Variants in DAAM2 observed in about 807,000 individuals in gnomAD.
DAAM2 encodes the protein dishevelled associated activator of morphogenesis 2.
DAAM2 carries 39 observed loss-of-function variants against 120.7 expected under a neutral mutation model. The ratio of observed to expected loss-of-function variants is 0.32; its 90% confidence interval spans 0.25 to 0.42. DAAM2 has a LOEUF of 0.42. DAAM2 is among the 10% of genes least tolerant of loss of function. The probability of loss-of-function intolerance (pLI) is 1.00; values close to 1 mark genes in which losing one functional copy is unlikely to be tolerated. For synonymous variants in DAAM2, 488 were observed against 524.9 expected, an observed-to-expected ratio of 0.93 and a Z score of 0.96; for missense variants, 1,283 against 1,401.7, an observed-to-expected ratio of 0.92 and a Z score of 1.35.
At chr6:39,858,232 T>C (rs1453751167) in intron 2 of DAAM2, among the ~76,000 whole-genome samples, 1 of 152,150 alleles carries the variant, frequency 6.6e-6, no homozygotes, top group African/African-American at 2.4e-5. Context: ...AGATTTTAAG[T>C]AGGGATTTGA....
intron 1 of DAAM2, among the ~76,000 whole-genome samples, chr6:39,805,617 C>T (rs183902650): frequency 2.0e-5 from 3 of 151,028 alleles, no homozygotes; most frequent in East Asian, 2.0e-4. Flanking sequence ...TGCAGTGACA[C>T]GATCTCGGGT....
chr6:39,809,708 G>T (rs997910845), intron 1 of DAAM2, among the ~76,000 whole-genome samples: 2 of 152,146 alleles, frequency 1.3e-5, no homozygotes, highest in Non-Finnish European at 2.9e-5. Flanking sequence ...CTAAACTAGC[G>T]CTTCTCAATT....
chr6:39,902,102 G>A lies in DAAM2; in HGVS notation c.*65G>A. Reference sequence around the variant, plus strand: ...CTGGTGAGAATGGGGCTGAGTGGAGGAGGTGGTGATATTTAAACCATTTGG... The same window carrying A: ...CTGGTGAGAATGGGGCTGAGTGGAGAAGGTGGTGATATTTAAACCATTTGG... On this transcript the variant is annotated 3_prime_UTR_variant, in exon 25 of 25. Transcript: ENST00000274867. 1 of 1,393,564 alleles carries A rather than the reference G, an allele frequency of 7.2e-7. No individual in the cohort carries two copies. Among genetic ancestry groups the A allele is most frequent in the Non-Finnish European group, 9.8e-7 (1 of 1,015,626 alleles). 86.3% of individuals were successfully genotyped at this position (1,393,564 alleles called of 1,614,324 possible). A position where few individuals can be genotyped will look rare whatever the true frequency, so the allele number is the denominator to read the frequency against.
At chr6:39,856,669 C>T (rs796560770) in intron 2 of DAAM2, among the ~76,000 whole-genome samples, 199 bp downstream of exon 2, 2 of 152,204 alleles carry the variant, frequency 1.3e-5, no homozygotes, top group African/African-American at 4.8e-5. Context: ...AAAGTGTGTC[C>T]CCAGAAGAAT....
chr6:39,880,354 C>T (rs191077218), intron 14 of DAAM2, among the ~76,000 whole-genome samples: 212 of 152,280 alleles, frequency 1.4e-3, no homozygotes, highest in Middle Eastern at 3.4e-3. Flanking sequence ...AATGCAGAGT[C>T]AAGTGGGAAG....
intron 1 of DAAM2, among the ~76,000 whole-genome samples, chr6:39,801,034 C>G (rs1761847285): frequency 1.3e-5 from 2 of 152,156 alleles, no homozygotes; most frequent in Admixed American, 1.3e-4. Flanking sequence ...TCTTATCTGT[C>G]AAATGGAGAT....
Position 39,865,047 on chromosome 6 carries a change from A to C in DAAM2, c.401A>C (p.Lys134Thr). The change falls in exon 5 of 25, where the codon AAG becomes ACG. Residue 134 changes from lysine to threonine, a missense_variant. By Grantham distance (78) the Lys-to-Thr change is moderately conservative. Coordinates refer to ENST00000274867, the MANE Select transcript of DAAM2 (RefSeq NM_001201427.2). ...AGGAACCAAGTCGTGGAAGACCTGA[A>C]GACAGCCCTCCGGACACAGCCTATG... is the stretch of plus-strand genomic sequence containing the variant. Reference protein sequence around the residue: ...EMRNQVVEDLKTALRTQPMRF... With the variant: ...EMRNQVVEDLTTALRTQPMRF... 1 of 1,597,128 alleles carries C rather than the reference A, an allele frequency of 6.3e-7. No homozygotes were observed. Among genetic ancestry groups the C allele is most frequent in the Non-Finnish European group, 8.6e-7 (1 of 1,168,478 alleles).
chr6:39,842,328 T>C (rs996885795), intron 1 of DAAM2, among the ~76,000 whole-genome samples: 2 of 152,146 alleles, frequency 1.3e-5, no homozygotes, highest in Non-Finnish European at 2.9e-5. Flanking sequence ...GAGAAGTTAA[T>C]TGGTATAAAA....
At chr6:39,879,839 A>G (rs564662803) in intron 14 of DAAM2, 21 of 395,122 alleles carry the variant, frequency 5.3e-5, no homozygotes, top group Non-Finnish European at 1.0e-4. Context: ...TTGGGCCAGC[A>G]TCTAGGTTTT....
At chr6:39,884,484 T>C (rs1382787587) in intron 15 of DAAM2, 3 of 161,806 alleles carry the variant, frequency 1.9e-5, no homozygotes, top group Non-Finnish European at 4.1e-5. Context: ...TTAGAAGGCA[T>C]AATAACTTCT....
At position 39,864,991 on chromosome 6, in the gene DAAM2, G is replaced by A. The variant is rs907461153; in HGVS notation, c.345G>A (p.Leu115=). ...RINSMAAMQS[L]YAFDEEETEM... Reference sequence around the variant, plus strand: ...CTGCTGGCCCTCAGATGCAGAGTCTGTACGCGTTTGATGAGGAGGAGACGG... The same window carrying A: ...CTGCTGGCCCTCAGATGCAGAGTCTATACGCGTTTGATGAGGAGGAGACGG... Residue 115 remains leucine, a synonymous_variant, in exon 5 of 25, where the codon CTG becomes CTA. Coordinates refer to ENST00000274867, the MANE Select transcript of DAAM2 (RefSeq NM_001201427.2). 5 of 1,603,896 alleles carry A rather than the reference G, an allele frequency of 3.1e-6. No individual in the cohort carries two copies. The African/African-American group carries it at 5.3e-5, about 17-fold the overall frequency.
At chr6:39,813,518 GA>G (rs1762224652) in intron 1 of DAAM2, among the ~76,000 whole-genome samples, 1 of 152,128 alleles carries the variant, frequency 6.6e-6, no homozygotes, top group African/African-American at 2.4e-5. Context: ...TGTGTGGAGT[GA>G]GTTATAATCA....
rs928236313 is a variant in DAAM2 at position 39,871,687 on chromosome 6, G to C, written c.1044+115G>C. 11 of 876,700 alleles carry C rather than the reference G, an allele frequency of 1.3e-5. 1 individual carries two copies. The South Asian group carries it at 1.6e-4, about 13-fold the overall frequency. 54.3% of individuals were successfully genotyped at this position (876,700 alleles called of 1,614,324 possible). A position where few individuals can be genotyped will look rare whatever the true frequency, so the allele number is the denominator to read the frequency against. ...AGGGCTGGTGTGGGCTGGTTCCCTG[G>C]TGGGCACCCCCATGGCCAGGTCCTG... On this transcript the variant is annotated intron_variant, in intron 9 of 24. Coordinates refer to ENST00000274867, the MANE Select transcript of DAAM2 (RefSeq NM_001201427.2).
At chr6:39,833,064 G>A (rs572159888) in intron 1 of DAAM2, among the ~76,000 whole-genome samples, 290 of 152,104 alleles carry the variant, frequency 1.9e-3, no homozygotes, top group African/African-American at 6.3e-3. Context: ...GTTTAGGCAG[G>A]GTTTATCCAC....
chr6:39,893,063 G>A (rs1765832156), intron 19 of DAAM2, among the ~76,000 whole-genome samples: 1 of 152,238 alleles, frequency 6.6e-6, no homozygotes, highest in Non-Finnish European at 1.5e-5. Context: ...TGCAGCACAA[G>A]TAAGGGGTTC....
At chr6:39,845,017 C>T (rs1326538425) in intron 1 of DAAM2, among the ~76,000 whole-genome samples, 1 of 147,792 alleles carries the variant, frequency 6.8e-6, no homozygotes, top group Non-Finnish European at 1.5e-5. Flanking sequence ...TACACACCCC[C>T]CCACACATAT....
rs1163325472 is a variant in DAAM2 at position 39,904,339 on chromosome 6, T to TCTC, written c.*2304_*2306dup. The TCTC allele has an allele frequency of 4.4e-6, 2 of 456,580 alleles. No homozygotes were observed. Among genetic ancestry groups the TCTC allele is most frequent in the Admixed American group, 2.3e-5 (1 of 42,556 alleles). 28.3% of individuals were successfully genotyped at this position (456,580 alleles called of 1,614,324 possible). A position where few individuals can be genotyped will look rare whatever the true frequency, so the allele number is the denominator to read the frequency against. ...GGTGCTAGATGCCACTGTAGCCAGATCTCCAACAGTGCCTTGGACCATGGA... is the reference window on the plus strand; with the variant it reads ...GGTGCTAGATGCCACTGTAGCCAGATCTCCTCCAACAGTGCCTTGGACCATGGA... On this transcript the variant is annotated 3_prime_UTR_variant, in exon 25 of 25. Coordinates refer to ENST00000274867, the MANE Select transcript of DAAM2 (RefSeq NM_001201427.2).
intron 6 of DAAM2, 141 bp from the exon 7 acceptor site, chr6:39,868,682 A>T: frequency 1.6e-6 from 1 of 642,876 alleles, no homozygotes; most frequent in Non-Finnish European, 2.8e-6. Flanking sequence ...GGCAGCCCAG[A>T]GTAAATTGGA....
At chr6:39,837,693 A>G (rs999724344) in intron 1 of DAAM2, among the ~76,000 whole-genome samples, 1 of 150,960 alleles carries the variant, frequency 6.6e-6, no homozygotes, top group African/African-American at 2.4e-5. Context: ...AAAAGAAAAG[A>G]AAAAAAGAAA....
Sources: allele counts gnomAD v4.1 joint callset (sites outside exome capture counted in the v4.1 genomes callset), GRCh38; gene constraint gnomAD v4.1.1; transcripts MANE v1.5; gene names NCBI Gene and HGNC (gene_info 2026-07-23, HGNC 2026-07-21).